Variants in FMNL2 observed in about 807,000 individuals in gnomAD.
FMNL2 encodes formin-like protein 2.
A neutral mutation model predicts 130.2 loss-of-function variants in FMNL2; 51 were observed. The ratio of observed to expected loss-of-function variants is 0.39; its 90% CI spans 0.31 to 0.49. The LOEUF (loss-of-function observed/expected upper bound fraction) is 0.49. Ranked by LOEUF, FMNL2 falls within the 20% of genes least tolerant of loss-of-function variation. The pLI is 0.85. For missense variants in FMNL2, 977 were observed against 1,316.2 expected (o/e 0.74, Z 3.99); for synonymous variants, 465 against 467.1 (o/e 1.00, Z 0.06).
At chr2:152,346,517 G>T (rs1254102166) in intron 1 of FMNL2, among the ~76,000 whole-genome samples, 1 of 151,868 alleles carries the variant, frequency 6.6e-6, no homozygotes, top group Non-Finnish European at 1.5e-5. Flanking sequence ...AAAAAAACTG[G>T]CTTAGTGGCA....
At chr2:152,564,776 G>GTTTTTTTTTTTTTTTTTTTTTTT (rs56378937) in intron 6 of FMNL2, among the ~76,000 whole-genome samples, 1 of 79,324 alleles carries the variant, frequency 1.3e-5, no homozygotes, top group African/African-American at 4.8e-5. Context: ...TACAAGGTTG[G>GTTTTTTTTTTTTTTTTTTTTTTT]TTTTTTTTTT....
chr2:152,566,991 T>C (rs1386450761), intron 6 of FMNL2, among the ~76,000 whole-genome samples: 2 of 152,232 alleles, frequency 1.3e-5, no homozygotes, highest in African/African-American at 4.8e-5. Flanking sequence ...GCAAGTCGTT[T>C]AGAGACAGTT....
intron 1 of FMNL2, among the ~76,000 whole-genome samples, chr2:152,446,525 TA>T (rs879831420): frequency 6.6e-6 from 1 of 151,274 alleles, no homozygotes; most frequent in Admixed American, 6.6e-5. Flanking sequence ...CATAATAGGT[TA>T]AAAAAAAAGC....
intron 17 of FMNL2, among the ~76,000 whole-genome samples, chr2:152,627,562 C>G (rs368836354): frequency 6.6e-6 from 1 of 152,154 alleles, no homozygotes; most frequent in African/African-American, 2.4e-5. Context: ...ACAGTCTGTT[C>G]TGATTTCTGT....
chr2:152,364,261 G>GTTTTTTTTTTTT (rs869062341), intron 1 of FMNL2, among the ~76,000 whole-genome samples: 4 of 24,470 alleles, frequency 1.6e-4, no homozygotes, highest in Admixed American at 4.3e-4. Flanking sequence ...AGGTTTGTGT[G>GTTTTTTTTTTTT]TTTTTTTTTT....
Position 152,618,875 on chromosome 2 carries a change from T to C in FMNL2, c.1344T>C (p.Val448=), listed in dbSNP as rs757280206. Residue 448 remains valine (V), a synonymous_variant, in exon 14 of 26, where the codon GTT becomes GTC. Coordinates refer to ENST00000288670, the MANE Select transcript of FMNL2 (RefSeq NM_052905.4). ...TCTACAAAGATGCAAATACTCAAGTTCACACATTAAGAAAAATGGTCAAAG... is the reference window on the plus strand; with the variant it reads ...TCTACAAAGATGCAAATACTCAAGTCCACACATTAAGAAAAATGGTCAAAG... ...REIYKDANTQ[V]HTLRKMVKEK... is the part of the protein sequence containing the mutation. 3.7e-6 allele frequency: 6 copies of C among 1,608,356 alleles called. 1 individual carries two copies. In the East Asian group the frequency reaches 1.3e-4, roughly 36 times the overall value.
chr2:152,410,078 T>C (rs1686200888), intron 1 of FMNL2, among the ~76,000 whole-genome samples: 1 of 152,162 alleles, frequency 6.6e-6, no homozygotes, highest in South Asian at 2.1e-4. Context: ...TCGGTCATGT[T>C]TATGGACTCT....
At chr2:152,402,553 C>T (rs1685763624) in intron 1 of FMNL2, among the ~76,000 whole-genome samples, 1 of 152,226 alleles carries the variant, frequency 6.6e-6, no homozygotes, top group South Asian at 2.1e-4. Flanking sequence ...TCCACGAAGA[C>T]AGGAGAGTGA....
At chr2:152,490,967 T>G (rs907022924) in intron 1 of FMNL2, among the ~76,000 whole-genome samples, 8 of 152,164 alleles carry the variant, frequency 5.3e-5, no homozygotes, top group African/African-American at 1.9e-4. Flanking sequence ...GCCATGTGCC[T>G]TGGATAATGC....
At chr2:152,585,840 G>T (rs775162658) in intron 9 of FMNL2, among the ~76,000 whole-genome samples, 3 of 148,754 alleles carry the variant, frequency 2.0e-5, no homozygotes, top group Non-Finnish European at 4.4e-5. Flanking sequence ...CTTTTTCTTA[G>T]TCTTTTTACT....
chr2:152,646,997 T>C (rs1683645972), intron 25 of FMNL2, among the ~76,000 whole-genome samples: 1 of 152,188 alleles, frequency 6.6e-6, no homozygotes. Flanking sequence ...ATGCAGTGAT[T>C]GACTCATTCA....
intron 1 of FMNL2, among the ~76,000 whole-genome samples, chr2:152,400,255 A>C (rs1685612692): frequency 6.6e-6 from 1 of 152,094 alleles, no homozygotes; most frequent in South Asian, 2.1e-4. Flanking sequence ...AACATGGCGA[A>C]ACTCCGTCTC....
At chr2:152,532,370 C>T (rs1025097328) in intron 2 of FMNL2, among the ~76,000 whole-genome samples, 2 of 152,108 alleles carry the variant, frequency 1.3e-5, no homozygotes, top group Non-Finnish European at 2.9e-5. Context: ...TTTTGCATTC[C>T]TACCAGCGAT....
Position 152,335,737 on chromosome 2 carries a change from G to A in FMNL2, c.117+17G>A, listed in dbSNP as rs772893119. On this transcript the variant is annotated intron_variant, in intron 1 of 25. Transcript: ENST00000288670. ...ATCGTGCTGGTAAGTGCGCGGCGGCGGTCGGGCGCGGGGACCCGGGGCCCC... is the reference window on the plus strand; with the variant it reads ...ATCGTGCTGGTAAGTGCGCGGCGGCAGTCGGGCGCGGGGACCCGGGGCCCC... The A allele has an allele frequency of 1.1e-5, 17 of 1,550,688 alleles. No individual in the cohort carries two copies. The highest frequency in any genetic ancestry group is 1.0e-4 in the East Asian group (4 of 38,134).
At chr2:152,452,955 G>A (rs1471347739) in intron 1 of FMNL2, among the ~76,000 whole-genome samples, 1 of 152,124 alleles carries the variant, frequency 6.6e-6, no homozygotes, top group Non-Finnish European at 1.5e-5. Flanking sequence ...TGTAATCCCA[G>A]CACTTTGGGA....
chr2:152,640,255 G>A (rs1446657747), intron 24 of FMNL2, among the ~76,000 whole-genome samples, 199 bp downstream of exon 24: 1 of 152,214 alleles, frequency 6.6e-6, no homozygotes, highest in African/African-American at 2.4e-5. Flanking sequence ...CTAAGAGCAT[G>A]TTTGTGTAGC....
At chr2:152,507,852 C>G (rs1692258751) in intron 1 of FMNL2, among the ~76,000 whole-genome samples, 1 of 151,210 alleles carries the variant, frequency 6.6e-6, no homozygotes, top group Non-Finnish European at 1.5e-5. Flanking sequence ...CCAGAGTGAA[C>G]AGCTAGTAAT....
At chr2:152,568,218 G>GTTTTTGTTTTTTTTT (rs1695962603) in intron 6 of FMNL2, among the ~76,000 whole-genome samples, 20 of 34,860 alleles carry the variant, frequency 5.7e-4, no homozygotes, top group African/African-American at 1.7e-3. Context: ...ATTTTGGTGG[G>GTTTTTGTTTTTTTTT]TTTTTTTTTT....
intron 9 of FMNL2, among the ~76,000 whole-genome samples, chr2:152,601,921 C>T (rs1490329465): frequency 1.3e-5 from 2 of 151,126 alleles, no homozygotes; most frequent in African/African-American, 4.9e-5. Flanking sequence ...CCACCTGTCT[C>T]GGCCTCCCAA....
Sources: allele counts gnomAD v4.1 joint callset (sites outside exome capture counted in the v4.1 genomes callset), GRCh38; gene constraint gnomAD v4.1.1; transcripts MANE v1.5; gene names NCBI Gene and HGNC (gene_info 2026-07-23, HGNC 2026-07-21).